The following PSMF1 variants were observed in gnomAD, a reference collection of about 807,000 sequenced individuals.
PSMF1 encodes proteasome inhibitor subunit 1.
PSMF1 carries 30 observed loss-of-function variants against 29.3 expected under a neutral mutation model. That is an observed-to-expected ratio of 1.02 (90% CI 0.77 to 1.39). The LOEUF is 1.39. Among genes scored for constraint, PSMF1 ranks in the 40% most tolerant of loss-of-function variants. The pLI, the probability that PSMF1 is intolerant of heterozygous loss-of-function variation, is 0.00. For synonymous variants in PSMF1, 134 were observed against 139.7 expected, an observed-to-expected ratio of 0.96 and a Z score of 0.29; for missense variants, 344 against 357.5, an observed-to-expected ratio of 0.96 and a Z score of 0.31.
In PSMF1 at chr20:1,169,620, G is replaced by A. The variant is rs148103617; in HGVS notation, c.*4540G>A. 6.0e-4 allele frequency among the ~76,000 whole-genome samples: 92 copies of A among 152,296 alleles called. 1 individual carries two copies. Among genetic ancestry groups the A allele is most frequent in the Middle Eastern group, 3.4e-3 (1 of 294 alleles). Reference sequence around the variant, plus strand: ...AAAGGTAATGGTCCAGAGAGCAGCAGGATCACATCATCATTGCTACAATCT... The same window carrying A: ...AAAGGTAATGGTCCAGAGAGCAGCAAGATCACATCATCATTGCTACAATCT... On this transcript the variant is annotated 3_prime_UTR_variant, in exon 7 of 7. Coordinates refer to ENST00000335877, the MANE Select transcript of PSMF1 (RefSeq NM_006814.5).
chr20:1,118,439 T>C (rs1195295239), upstream of PSMF1: 2 of 233,680 alleles, frequency 8.6e-6, no homozygotes, highest in Non-Finnish European at 1.7e-5. Context: ...TGGAGGACGC[T>C]GTGCCCGCGT....
intron 4 of PSMF1, among the ~76,000 whole-genome samples, chr20:1,153,932 CAT>C (rs777445746): frequency 3.3e-5 from 5 of 152,130 alleles, no homozygotes; most frequent in African/African-American, 9.7e-5. Flanking sequence ...AGAAAAAAAA[CAT>C]GTGCATGAAA....
chr20:1,115,418 C>T (rs146288007), upstream of PSMF1, among the ~76,000 whole-genome samples: 1 of 152,334 alleles, frequency 6.6e-6, no homozygotes, highest in Non-Finnish European at 1.5e-5. Flanking sequence ...CTGTAGAAAA[C>T]GTAAAGGCAG....
chr20:1,121,876 T>C (rs1429584790), intron 1 of PSMF1, among the ~76,000 whole-genome samples: 2 of 152,198 alleles, frequency 1.3e-5, no homozygotes, highest in Non-Finnish European at 2.9e-5. Flanking sequence ...TTTACAGCTT[T>C]GTCAAGTGGT....
chr20:1,147,627 T>C (rs1242133971), intron 4 of PSMF1, among the ~76,000 whole-genome samples: 1 of 152,140 alleles, frequency 6.6e-6, no homozygotes, highest in Non-Finnish European at 1.5e-5. Flanking sequence ...TTTAGGAGGC[T>C]TTTTCTTAGC....
chr20:1,162,203 G>C (rs1001247226), intron 4 of PSMF1, among the ~76,000 whole-genome samples: 1 of 152,148 alleles, frequency 6.6e-6, no homozygotes, highest in Non-Finnish European at 1.5e-5. Context: ...ACCATGGGCT[G>C]TTACTTGTCT....
At chr20:1,159,294 A>G (rs1380644421) in intron 4 of PSMF1, among the ~76,000 whole-genome samples, 1 of 151,184 alleles carries the variant, frequency 6.6e-6, no homozygotes, top group Non-Finnish European at 1.5e-5. Context: ...TCCCACCTCG[A>G]CCTCCCAAAG....
At chr20:1,114,098 C>T (rs944402015), upstream of PSMF1, among the ~76,000 whole-genome samples, 6 of 152,310 alleles carry the variant, frequency 3.9e-5, no homozygotes, top group South Asian at 6.2e-4. Flanking sequence ...CACCTCTAGA[C>T]GCAAAGACTG....
intron 1 of PSMF1, among the ~76,000 whole-genome samples, chr20:1,120,787 C>T (rs2086077024): frequency 6.6e-6 from 1 of 152,194 alleles, no homozygotes; most frequent in African/African-American, 2.4e-5. Flanking sequence ...GCTTTGCACT[C>T]TGTCCCTCCT....
chr20:1,121,493 G>A (rs2086087205), intron 1 of PSMF1, among the ~76,000 whole-genome samples: 1 of 152,060 alleles, frequency 6.6e-6, no homozygotes, highest in Non-Finnish European at 1.5e-5. Flanking sequence ...AACTGGAGAG[G>A]CATCTTTCCT....
intron 3 of PSMF1, among the ~76,000 whole-genome samples, chr20:1,133,226 A>T (rs1218504986): frequency 2.6e-5 from 4 of 151,032 alleles, no homozygotes; most frequent in Non-Finnish European, 5.9e-5. Context: ...GGTTTTTTGT[A>T]AATGTTCTTT....
At chr20:1,121,348 A>G (rs1028912851) in intron 1 of PSMF1, among the ~76,000 whole-genome samples, 1 of 151,972 alleles carries the variant, frequency 6.6e-6, no homozygotes, top group African/African-American at 2.4e-5. Flanking sequence ...CCCCGAAGGA[A>G]TGAGTGTTTG....
chr20:1,143,685 A>G (rs1221254153), intron 4 of PSMF1, among the ~76,000 whole-genome samples: 1 of 152,268 alleles, frequency 6.6e-6, no homozygotes, highest in Non-Finnish European at 1.5e-5. Flanking sequence ...GGATAGAAGC[A>G]TAACCTACAG....
upstream of PSMF1, among the ~76,000 whole-genome samples, chr20:1,117,161 G>A (rs565629019): frequency 6.6e-6 from 1 of 152,102 alleles, no homozygotes; most frequent in Non-Finnish European, 1.5e-5. Flanking sequence ...GTTATTGCAC[G>A]TATAAAGGGG....
At chr20:1,162,319 A>G (rs2086677064) in intron 4 of PSMF1, among the ~76,000 whole-genome samples, 1 of 152,162 alleles carries the variant, frequency 6.6e-6, no homozygotes, top group African/African-American at 2.4e-5. Flanking sequence ...GATGACAACA[A>G]ATTTTGTTTT....
intron 4 of PSMF1, among the ~76,000 whole-genome samples, chr20:1,146,982 A>G (rs2086458042): frequency 6.6e-6 from 1 of 152,160 alleles, no homozygotes; most frequent in Non-Finnish European, 1.5e-5. Flanking sequence ...AGGGTCTCTC[A>G]AGAGAGAACC....
Position 1,164,390 on chromosome 20 carries a change from A to T in PSMF1, c.678A>T (p.Ser226=). Residue 226 remains serine, a synonymous_variant, in exon 6 of 7, where the codon TCA becomes TCT. Coordinates refer to ENST00000335877, the MANE Select transcript of PSMF1 (RefSeq NM_006814.5). The surrounding 1 kb of genome is among the most constrained non-coding windows in gnomAD (Gnocchi z 4.1). ...CAAGAGCACTTATTGACCCTTCCTC[A>T]GGCCTCCCGAACCGACTTCCTCCAG... The part of the protein sequence containing the change: ...GFPRALIDPS[S]GLPNRLPPGA... The T allele has an allele frequency of 1.2e-6, 2 of 1,613,980 alleles. No homozygotes were observed. Among genetic ancestry groups the T allele is most frequent in the Non-Finnish European group, 1.7e-6 (2 of 1,179,926 alleles).
intron 4 of PSMF1, among the ~76,000 whole-genome samples, chr20:1,155,867 A>G (rs900426676): frequency 1.3e-5 from 2 of 152,250 alleles, no homozygotes; most frequent in African/African-American, 4.8e-5. Flanking sequence ...TGTTCAAAGT[A>G]TCTGGAATAA....
intron 4 of PSMF1, among the ~76,000 whole-genome samples, chr20:1,157,159 C>G (rs573811207): frequency 6.6e-6 from 1 of 152,154 alleles, no homozygotes; most frequent in South Asian, 2.1e-4. Flanking sequence ...GTTTTTCTGC[C>G]TGCTTTATAT....
Sources: allele counts gnomAD v4.1 joint callset (sites outside exome capture counted in the v4.1 genomes callset), GRCh38; gene constraint gnomAD v4.1.1; non-coding constraint Gnocchi (gnomAD v3.1); transcripts MANE v1.5; gene names NCBI Gene and HGNC (gene_info 2026-07-23, HGNC 2026-07-21).